Variants in DENND4A observed in about 807,000 individuals in gnomAD.
DENND4A encodes the protein DENN domain containing 4A, also known as C-myc promoter-binding protein.
Under a neutral mutation model 199.3 loss-of-function variants are expected in DENND4A, and 70 were observed. The ratio of observed to expected loss-of-function variants is 0.35; its 90% CI spans 0.29 to 0.43. The LOEUF (loss-of-function observed/expected upper bound fraction) is 0.43. DENND4A is among the 20% of genes least tolerant of loss of function. The pLI is 1.00. For synonymous variants in DENND4A, 686 were observed against 766.9 expected, an observed-to-expected ratio of 0.89 and a Z score of 1.74; for missense variants, 1,723 against 2,255.8, an observed-to-expected ratio of 0.76 and a Z score of 4.78.
chr15:65,716,226 T>C (rs75620016), intron 13 of DENND4A, among the ~76,000 whole-genome samples: 6 of 148,034 alleles, frequency 4.1e-5, no homozygotes, highest in Non-Finnish European at 7.5e-5. Flanking sequence ...AATTTCTTTC[T>C]TTTTTTTTTC....
intron 20 of DENND4A, 128 bp downstream of exon 20, chr15:65,700,413 AAAT>A (rs1170619079): frequency 2.6e-6 from 1 of 380,254 alleles, no homozygotes; most frequent in Non-Finnish European, 4.3e-6. Context: ...ATATCAAATA[AAAT>A]ACATAATATA....
chr15:65,728,554 G>T (rs1394272255), intron 11 of DENND4A, among the ~76,000 whole-genome samples: 2 of 150,100 alleles, frequency 1.3e-5, no homozygotes, highest in Non-Finnish European at 3.0e-5. Context: ...CGCGATCTCA[G>T]CTCACCACAA....
intron 23 of DENND4A, among the ~76,000 whole-genome samples, chr15:65,677,035 C>T (rs990416113): frequency 6.6e-6 from 1 of 152,054 alleles, no homozygotes; most frequent in Admixed American, 6.6e-5. Context: ...TTTGAGAACA[C>T]TGAAGTTAAA....
At chr15:65,761,659 A>C (rs2076853099) in intron 1 of DENND4A, among the ~76,000 whole-genome samples, 1 of 151,672 alleles carries the variant, frequency 6.6e-6, no homozygotes, top group Admixed American at 6.6e-5. Flanking sequence ...AAGAGAGGCA[A>C]TGAGAAAAAA....
Position 65,661,793 on chromosome 15 carries a change from GTTATT to G in DENND4A, c.*53_*57del, listed in dbSNP as rs750690763. 98 of 1,400,994 alleles carry G rather than the reference GTTATT, an allele frequency of 7.0e-5. 1 individual carries two copies. The African/African-American group carries it at 1.1e-3, about 16-fold the overall frequency. 86.8% of individuals were successfully genotyped at this position (1,400,994 alleles called of 1,614,324 possible). A position where few individuals can be genotyped will look rare whatever the true frequency, so the allele number is the denominator to read the frequency against. On this transcript the variant is annotated 3_prime_UTR_variant, in exon 33 of 33. Transcript: ENST00000443035. ...GAAAAAATATTTAGAGTCTAAAAGT[GTTATT>G]TTATACACTGACTATACAATATACA...
chr15:65,781,796 A>T (rs926483101), intron 1 of DENND4A, among the ~76,000 whole-genome samples: 1 of 152,210 alleles, frequency 6.6e-6, no homozygotes, highest in Non-Finnish European at 1.5e-5. Flanking sequence ...GGTAACTGAA[A>T]CTATAGGGAT....
intron 13 of DENND4A, among the ~76,000 whole-genome samples, chr15:65,716,409 C>T (rs2075403441): frequency 8.6e-6 from 1 of 116,660 alleles, no homozygotes. Context: ...CCCCACCCCA[C>T]AACAGTCCCC....
chr15:65,739,959 T>A (rs145003159), intron 5 of DENND4A, among the ~76,000 whole-genome samples: 1 of 152,186 alleles, frequency 6.6e-6, no homozygotes, highest in African/African-American at 2.4e-5. Context: ...GGCGGACAGA[T>A]TGCCTGAACT....
At chr15:65,746,962 C>G (rs888266154) in intron 4 of DENND4A, among the ~76,000 whole-genome samples, 1 of 151,052 alleles carries the variant, frequency 6.6e-6, no homozygotes, top group Non-Finnish European at 1.5e-5. Context: ...AAAAAATGGC[C>G]GGGCGTGGTG....
chr15:65,772,155 G>A (rs759730905), intron 1 of DENND4A: 29 of 722,774 alleles, frequency 4.0e-5, no homozygotes, highest in South Asian at 1.3e-4. Flanking sequence ...TTGCTCCTTC[G>A]ATTTTATTTT....
At chr15:65,784,031 A>G (rs1054536913) in intron 1 of DENND4A, among the ~76,000 whole-genome samples, 6 of 152,208 alleles carry the variant, frequency 3.9e-5, no homozygotes, top group Non-Finnish European at 8.8e-5. Flanking sequence ...TATCAGTGAT[A>G]AGCCGTACTG....
At chr15:65,784,992 T>C (rs116344939) in intron 1 of DENND4A, among the ~76,000 whole-genome samples, 1,829 of 151,712 alleles carry the variant, frequency 0.012, 50 homozygotes, top group African/African-American at 0.043. Flanking sequence ...TAACAAAAAA[T>C]ACAAAAATTA....
intron 14 of DENND4A, among the ~76,000 whole-genome samples, chr15:65,706,984 G>T (rs1430681022): frequency 6.6e-6 from 1 of 152,082 alleles, no homozygotes; most frequent in African/African-American, 2.4e-5. Context: ...CTGTAATCAA[G>T]AAATAATATT....
At chr15:65,670,238 T>G (rs773212064) in intron 25 of DENND4A, 50 bp from the exon 26 acceptor site, 6 of 1,372,398 alleles carry the variant, frequency 4.4e-6, no homozygotes, top group Non-Finnish European at 5.7e-6. Context: ...ATTCAGATTA[T>G]GAATTAAAAA....
chr15:65,741,708 C>G lies in DENND4A; in HGVS notation c.631+7G>C, dbSNP rs780019373. ...ATATGAAGTATTGCATGAAAAATTACACTTACCAGCTTTGTAAGATACAGT... is the reference window on the plus strand; with the variant it reads ...ATATGAAGTATTGCATGAAAAATTAGACTTACCAGCTTTGTAAGATACAGT... On this transcript the variant is annotated splice_region_variant and intron_variant, in intron 5 of 32. Transcript: ENST00000443035. 16 of 1,610,670 alleles carry G rather than the reference C, an allele frequency of 9.9e-6. No homozygotes were observed. Among genetic ancestry groups the G allele is most frequent in the Non-Finnish European group, 1.4e-5 (16 of 1,177,824 alleles).
At chr15:65,734,581 G>A (rs1454704504) in intron 7 of DENND4A, among the ~76,000 whole-genome samples, 5 of 152,024 alleles carry the variant, frequency 3.3e-5, no homozygotes, top group Admixed American at 6.5e-5. Flanking sequence ...TCCACCTAAC[G>A]AGAAACACCC....
At chr15:65,673,642 A>G (rs1255432193) in intron 24 of DENND4A, among the ~76,000 whole-genome samples, 2 of 151,966 alleles carry the variant, frequency 1.3e-5, no homozygotes, top group Non-Finnish European at 2.9e-5. Flanking sequence ...AAAAAAAAAA[A>G]AAAAAGGTCC....
intron 1 of DENND4A, among the ~76,000 whole-genome samples, chr15:65,764,364 C>T (rs1306067362): frequency 6.6e-6 from 1 of 152,104 alleles, no homozygotes; most frequent in African/African-American, 2.4e-5. Flanking sequence ...GGCATGGTAG[C>T]TCACGCCTAT....
In DENND4A at chr15:65,670,192, T is replaced by C. The variant is rs747336998; in HGVS notation, c.4465-4A>G. 2 of 1,503,988 alleles carry C rather than the reference T, an allele frequency of 1.3e-6. No homozygotes were observed. The highest frequency in any genetic ancestry group is 1.8e-6 in the Non-Finnish European group (2 of 1,123,750). 93.2% of individuals were successfully genotyped at this position (1,503,988 alleles called of 1,614,324 possible). A position where few individuals can be genotyped will look rare whatever the true frequency, so the allele number is the denominator to read the frequency against. On this transcript the variant is annotated splice_polypyrimidine_tract_variant and splice_region_variant and intron_variant, in intron 25 of 32. Transcript: ENST00000443035. The stretch of plus-strand genomic sequence containing the variant: ...GAGAGCAACTTGAGATGAGAACCTG[T>C]GGGAGAAGATAGCACTTTATAAAGA...
Sources: allele counts gnomAD v4.1 joint callset (sites outside exome capture counted in the v4.1 genomes callset), GRCh38; gene constraint gnomAD v4.1.1; transcripts MANE v1.5; gene names NCBI Gene and HGNC (gene_info 2026-07-23, HGNC 2026-07-21).